TEKT5: variants seen among roughly 807,000 people sequenced by gnomAD.
The protein encoded by TEKT5 is tektin 5, also known as tektin-5.
TEKT5 carries 52 observed loss-of-function variants against 48.7 expected under a neutral mutation model. That is an observed-to-expected ratio of 1.07 (90% CI 0.86 to 1.35). The LOEUF (loss-of-function observed/expected upper bound fraction) is 1.35, where lower values mean the gene tolerates loss of function less well. Among genes scored for constraint, TEKT5 ranks in the 40% most tolerant of loss-of-function variants. TEKT5 has a pLI of 0.00. For missense variants in TEKT5, 831 were observed against 641.6 expected (o/e 1.30, Z -3.19); for synonymous variants, 318 against 267.6 (o/e 1.19, Z -1.84).
intron 5 of TEKT5, among the ~76,000 whole-genome samples, chr16:10,661,969 T>C (rs1416049446): frequency 6.6e-6 from 1 of 152,200 alleles, no homozygotes; most frequent in African/African-American, 2.4e-5. Context: ...TCCCTCAGCC[T>C]CCACACTATC....
chr16:10,687,857 T>C (rs1184890958), intron 3 of TEKT5, among the ~76,000 whole-genome samples: 1 of 152,270 alleles, frequency 6.6e-6, no homozygotes, highest in Non-Finnish European at 1.5e-5. Flanking sequence ...GGGTACATAG[T>C]AGGTGTATAT....
intron 6 of TEKT5, among the ~76,000 whole-genome samples, chr16:10,632,371 C>A (rs981506628): frequency 8.5e-5 from 13 of 152,112 alleles, no homozygotes; most frequent in African/African-American, 2.9e-4. Context: ...GATTATAGCT[C>A]ACTGCAGCCT....
intron 5 of TEKT5, among the ~76,000 whole-genome samples, chr16:10,662,731 C>CAGGACAGAG (rs1898394916): frequency 6.6e-6 from 1 of 152,216 alleles, no homozygotes; most frequent in African/African-American, 2.4e-5. Flanking sequence ...GACAGGACCA[C>CAGGACAGAG]CTGGAGTAAA....
At chr16:10,688,922 C>T (rs552121850) in intron 3 of TEKT5, among the ~76,000 whole-genome samples, 2 of 152,324 alleles carry the variant, frequency 1.3e-5, no homozygotes, top group African/African-American at 4.8e-5. Context: ...CTCAGGGAGG[C>T]CAGTTGCCTC....
intron 5 of TEKT5, among the ~76,000 whole-genome samples, chr16:10,653,068 G>A (rs1356582047): frequency 1.3e-5 from 2 of 152,202 alleles, no homozygotes; most frequent in Non-Finnish European, 2.9e-5. Flanking sequence ...CCCTCCCCAG[G>A]GATGTTAACC....
chr16:10,687,671 T>A (rs547034165), intron 3 of TEKT5, among the ~76,000 whole-genome samples: 3 of 152,348 alleles, frequency 2.0e-5, no homozygotes, highest in South Asian at 4.1e-4. Flanking sequence ...GAGAAACGCA[T>A]GAATCTGGGA....
At chr16:10,672,738 C>T (rs1023647908) in intron 5 of TEKT5, among the ~76,000 whole-genome samples, 3 of 152,190 alleles carry the variant, frequency 2.0e-5, no homozygotes, top group African/African-American at 4.8e-5. Context: ...TCAACTAGTA[C>T]ATTAAGATCA....
intron 4 of TEKT5, among the ~76,000 whole-genome samples, chr16:10,681,460 C>T (rs890874788): frequency 6.6e-6 from 1 of 152,200 alleles, no homozygotes; most frequent in Admixed American, 6.5e-5. Context: ...AATCCTCCAG[C>T]CTTGGCCTCC....
chr16:10,651,675 C>T (rs1393692708), intron 5 of TEKT5, among the ~76,000 whole-genome samples: 4 of 152,064 alleles, frequency 2.6e-5, no homozygotes, highest in Admixed American at 2.6e-4. Context: ...GACAAGGGTA[C>T]ACAGCCGGGT....
chr16:10,667,547 G>A (rs1898479386), intron 5 of TEKT5, among the ~76,000 whole-genome samples: 1 of 152,188 alleles, frequency 6.6e-6, no homozygotes, highest in Non-Finnish European at 1.5e-5. Flanking sequence ...TGGCAGCTTT[G>A]GGGTTGCTCT....
chr16:10,652,428 G>C (rs951507691), intron 5 of TEKT5, among the ~76,000 whole-genome samples: 18 of 128,250 alleles, frequency 1.4e-4, no homozygotes, highest in African/African-American at 4.9e-4. Flanking sequence ...GCCAGGTACA[G>C]CAATCCCTTA....
In TEKT5 at chr16:10,635,887, G is replaced by T. The variant is rs555283683; in HGVS notation, c.1118C>A (p.Thr373Asn). The T allele has an allele frequency of 6.2e-6, 10 of 1,613,954 alleles. No individual in the cohort carries two copies. Among genetic ancestry groups the T allele is most frequent in the Non-Finnish European group, 8.5e-6 (10 of 1,180,052 alleles). The stretch of plus-strand genomic sequence containing the variant: ...GATGGACCTTTCCAGCAGCATGATG[G>T]TGTTCTCGGCCTGGAAGATCTCCTG... ...TLQEIFQAEN[T>N]IMLLERSIMA... is the part of the protein sequence containing the mutation. Residue 373 changes from threonine (T) to asparagine (N), a missense_variant, in exon 6 of 7, where the codon ACC becomes AAC. Coordinates refer to ENST00000283025, the MANE Select transcript of TEKT5 (RefSeq NM_144674.2).
chr16:10,660,699 GTGTGTT>G (rs1362172222), intron 5 of TEKT5, among the ~76,000 whole-genome samples: 14 of 101,526 alleles, frequency 1.4e-4, no homozygotes, highest in South Asian at 3.5e-4. Flanking sequence ...GTGTGTGTGT[GTGTGTT>G]ATTTATTTAT....
chr16:10,650,157 C>T (rs1280681801), intron 5 of TEKT5, among the ~76,000 whole-genome samples: 10 of 152,194 alleles, frequency 6.6e-5, no homozygotes, highest in South Asian at 4.2e-4. Context: ...CTGCAACCTC[C>T]GCTTCCTGGG....
At chr16:10,671,848 A>ATT (rs1898553771) in intron 5 of TEKT5, 1 of 152,228 alleles carries the variant, frequency 6.6e-6, no homozygotes, top group African/African-American at 2.4e-5. Flanking sequence ...CAAGAGACTT[A>ATT]TTCACTATCA....
At chr16:10,683,704 C>T (rs1005726710) in intron 3 of TEKT5, among the ~76,000 whole-genome samples, 1 of 152,212 alleles carries the variant, frequency 6.6e-6, no homozygotes, top group African/African-American at 2.4e-5. Context: ...GGTTCTCCTA[C>T]CTCAGTCTCC....
intron 5 of TEKT5, among the ~76,000 whole-genome samples, chr16:10,659,449 G>A (rs150628182): frequency 0.017 from 2,553 of 152,020 alleles, 59 homozygotes; most frequent in African/African-American, 0.055. Flanking sequence ...GTGCAATCTC[G>A]GCTCACTGCA....
intron 5 of TEKT5, among the ~76,000 whole-genome samples, chr16:10,651,552 A>G (rs982363494): frequency 6.6e-6 from 1 of 152,220 alleles, no homozygotes; most frequent in Non-Finnish European, 1.5e-5. Flanking sequence ...GCATACTGCT[A>G]TTGTGTGCCA....
intron 6 of TEKT5, among the ~76,000 whole-genome samples, chr16:10,628,946 A>G (rs1313364597): frequency 6.6e-6 from 1 of 152,016 alleles, no homozygotes; most frequent in East Asian, 1.9e-4. Context: ...AATACCTGCA[A>G]CAACATGAAT....
Sources: allele counts gnomAD v4.1 joint callset (sites outside exome capture counted in the v4.1 genomes callset), GRCh38; gene constraint gnomAD v4.1.1; transcripts MANE v1.5; gene names NCBI Gene and HGNC (gene_info 2026-07-23, HGNC 2026-07-21).